The following GAK variants were observed in gnomAD, a reference collection of about 807,000 sequenced individuals.
The protein encoded by GAK is cyclin-G-associated kinase.
In GAK, 79 loss-of-function variants were observed where a neutral mutation model predicts 143.9. That is an observed-to-expected ratio of 0.55 (90% CI 0.46 to 0.66). The LOEUF (loss-of-function observed/expected upper bound fraction) is 0.66. Among genes scored for constraint, GAK ranks in the 30% least tolerant of loss-of-function variants. The probability of loss-of-function intolerance (pLI) is 0.00; values close to 1 mark genes in which losing one functional copy is unlikely to be tolerated. For missense variants in GAK, 1,693 were observed against 1,779.7 expected (o/e 0.95, Z 0.88); for synonymous variants, 881 against 765.5 (o/e 1.15, Z -2.49).
In GAK at chr4:884,027, G is replaced by A; in HGVS notation, c.1255+10C>T. 6.2e-7 allele frequency: 1 copy of A among 1,612,920 alleles called. No individual in the cohort carries two copies. On this transcript the variant is annotated intron_variant, in intron 12 of 27. Transcript: ENST00000314167. ...GGGGCGCGTCCCACAGCCTCATGTG[G>A]CACGCATACCTGCAATTCTGGATGT... is the stretch of plus-strand genomic sequence containing the variant.
Position 914,091 on chromosome 4 carries a change from G to A in GAK, c.146-423C>T, listed in dbSNP as rs1195381880. The A allele has an allele frequency of 3.0e-5, 3 of 101,634 alleles. 1 individual carries two copies. In the Admixed American group the frequency reaches 7.0e-4, roughly 24 times the overall value. 6.3% of individuals were successfully genotyped at this position (101,634 alleles called of 1,614,324 possible). A position where few individuals can be genotyped will look rare whatever the true frequency, so the allele number is the denominator to read the frequency against. ...ACACACACACAGCCCCAGCGTGCAC[G>A]GCCCCACACACACAGCCCCAGCGTG... On this transcript the variant is annotated intron_variant, in intron 1 of 27. Transcript: ENST00000314167.
rs1232531379 is a variant in GAK at position 898,131 on chromosome 4, C to A, written c.553G>T (p.Gly185Trp). The A allele has an allele frequency of 1.2e-6, 2 of 1,614,136 alleles. No individual in the cohort carries two copies. Among genetic ancestry groups the A allele is most frequent in the East Asian group, 4.5e-5 (2 of 44,890 alleles). The change falls in exon 6 of 28, where the codon GGG becomes TGG. Residue 185 changes from glycine (G) to tryptophan (W), a missense_variant. Around this residue, in one of 2 missense-constraint regions of GAK, gnomAD observed 871 missense variants for 991.0 expected, o/e 0.88. Transcript: ENST00000314167. ...KVENLLLSNQGTIKLCDFGSA... is the reference protein window; with the variant it reads ...KVENLLLSNQWTIKLCDFGSA... Reference sequence around the variant, plus strand: ...CCAAAGTCACACAGCTTAATGGTCCCTTGGTTACTAAGCAACAAGTTCTCA... The same window carrying A: ...CCAAAGTCACACAGCTTAATGGTCCATTGGTTACTAAGCAACAAGTTCTCA...
intron 1 of GAK, among the ~76,000 whole-genome samples, chr4:924,249 C>T (rs1359111555): frequency 1.3e-5 from 2 of 150,070 alleles, no homozygotes; most frequent in Non-Finnish European, 3.0e-5. Context: ...ATGAGATCGA[C>T]ACCACTGCAC....
At chr4:885,951 G>C in intron 11 of GAK, 1 of 152,196 alleles carries the variant, frequency 6.6e-6, no homozygotes, top group Non-Finnish European at 1.5e-5. Context: ...TTTTTGTAGA[G>C]ACAGGGTCTT....
At position 877,673 on chromosome 4, in the gene GAK, C is replaced by T. The variant is rs1446807835; in HGVS notation, c.1798G>A (p.Glu600Lys). Residue 600 changes from glutamate to lysine, a missense_variant, in exon 16 of 28, where the codon GAG becomes AAG. By Grantham distance (56) the Glu-to-Lys change is moderately conservative. Coordinates refer to ENST00000314167, the MANE Select transcript of GAK (RefSeq NM_005255.4). ...ACACGCTCGTCCCCCACGTAGACCT[C>T]GCAGAAGGGCCTGCAGCCGCTCCTC... ...KQRSGCRPFC[E>K]VYVGDERVAS... 5.0e-6 allele frequency: 8 copies of T among 1,612,118 alleles called. No individual in the cohort carries two copies. Among genetic ancestry groups the T allele is most frequent in the Non-Finnish European group, 5.9e-6 (7 of 1,179,294 alleles).
At chr4:918,857 C>G (rs978867941) in intron 1 of GAK, among the ~76,000 whole-genome samples, 1 of 134,330 alleles carries the variant, frequency 7.4e-6, no homozygotes, top group Middle Eastern at 3.8e-3. Flanking sequence ...CACCCCATGA[C>G]CTTAGAAAGA....
At chr4:905,129 A>G (rs951198814) in intron 4 of GAK, among the ~76,000 whole-genome samples, 1 of 152,178 alleles carries the variant, frequency 6.6e-6, no homozygotes, top group Non-Finnish European at 1.5e-5. Context: ...ACATGAGGTG[A>G]GCACAAAGTG....
At chr4:871,706 C>G (rs1712668861) in intron 18 of GAK, among the ~76,000 whole-genome samples, 1 of 148,874 alleles carries the variant, frequency 6.7e-6, no homozygotes, top group Admixed American at 6.7e-5. Context: ...GGGTGGGGAG[C>G]AGGGGCAGGG....
intron 15 of GAK, among the ~76,000 whole-genome samples, chr4:879,534 T>C (rs1577133784): frequency 6.6e-6 from 1 of 152,324 alleles, no homozygotes; most frequent in Admixed American, 6.5e-5. Context: ...ACGAGAACCT[T>C]GCGGCTGACA....
rs1560329983 is a variant in GAK, at chr4:875,611, G to GC, written c.2054+918dup. On this transcript the variant is annotated intron_variant, in intron 18 of 27. Transcript: ENST00000314167. ...CTCTGTCTTGGGAGCCCCCGTGGGT[G>GC]CCCCCTCTGACTCCTGGAACAATGT... 6.6e-5 allele frequency among the ~76,000 whole-genome samples: 10 copies of GC among 152,374 alleles called. No homozygotes were observed. The South Asian group carries it at 1.9e-3, about 28-fold the overall frequency.
chr4:911,895 C>T lies in GAK; in HGVS notation c.268-108G>A, dbSNP rs1011559270. ...CACACTGAAGTCAGAATACTTGAAT[C>T]GAACCCTTACAATTTTAGACGTCAG... On this transcript the variant is annotated intron_variant, in intron 3 of 27. Coordinates refer to ENST00000314167, the MANE Select transcript of GAK (RefSeq NM_005255.4). The T allele has an allele frequency of 3.6e-5, 30 of 839,420 alleles. No individual in the cohort carries two copies. The African/African-American group carries it at 4.2e-4, about 12-fold the overall frequency. The allele number at this position is 839,420 out of a possible 1,614,324, so 52.0% of individuals were successfully genotyped here.
intron 9 of GAK, among the ~76,000 whole-genome samples, chr4:892,910 G>A (rs566775868): frequency 1.3e-5 from 2 of 152,302 alleles, no homozygotes; most frequent in East Asian, 1.9e-4. Flanking sequence ...GCATGCCCCC[G>A]GGGTCTCGGC....
At position 873,423 on chromosome 4, in the gene GAK, C is replaced by T. The variant is rs1713136680; in HGVS notation, c.2055-2519G>A. Among the ~76,000 whole-genome samples, 5 of 152,204 alleles carry T rather than the reference C, an allele frequency of 3.3e-5. No individual in the cohort carries two copies. The East Asian group carries it at 7.7e-4, about 24-fold the overall frequency. ...CGTGGAGTCCACTTTAATAAACGCC[C>T]ACTTGAACAGATGCCATTTCTCCAA... On this transcript the variant is annotated intron_variant, in intron 18 of 27. Transcript: ENST00000314167.
rs567360355 is a variant in GAK at position 929,142 on chromosome 4, A to C, written c.145+2901T>G. Among the ~76,000 whole-genome samples, 4 of 152,260 alleles carry C rather than the reference A, an allele frequency of 2.6e-5. No individual in the cohort carries two copies. The East Asian group carries it at 7.7e-4, about 29-fold the overall frequency. On this transcript the variant is annotated intron_variant, in intron 1 of 27. Transcript: ENST00000314167. The stretch of plus-strand genomic sequence containing the variant: ...AAGAAGGGTGGAGAGTCAGGACCAC[A>C]CACAAGTGGCCCTGGGGGTGGGAGT...
rs1411648684 is a variant in GAK, at chr4:893,938, T to C, written c.813A>G (p.Ile271Met). The change falls in exon 8 of 28, where the codon ATA becomes ATG. Residue 271 changes from isoleucine to methionine, a missense_variant. Around this residue, in one of 2 missense-constraint regions of GAK, gnomAD observed 871 missense variants for 991.0 expected, o/e 0.88. Transcript: ENST00000314167. Reference protein sequence around the residue: ...HPFEDGAKLRIVNGKYSIPPH... With the variant: ...HPFEDGAKLRMVNGKYSIPPH... ...GGGGGATCGAGTACTTCCCATTGAC[T>C]ATTCGAAGTTTCGCTCCATCCTCAA... 6.2e-7 allele frequency: 1 copy of C among 1,613,038 alleles called. No individual in the cohort carries two copies. Among genetic ancestry groups the C allele is most frequent in the South Asian group, 1.1e-5 (1 of 91,030 alleles).
intron 1 of GAK, among the ~76,000 whole-genome samples, chr4:917,828 A>C (rs1723316115): frequency 6.6e-6 from 1 of 152,278 alleles, no homozygotes; most frequent in Non-Finnish European, 1.5e-5. Flanking sequence ...ATAATAAATA[A>C]ATCTGTGAGG....
At position 881,968 on chromosome 4, in the gene GAK, C is replaced by T. The variant is rs1170016586; in HGVS notation, c.1600G>A (p.Ala534Thr). 1 of 1,602,342 alleles carries T rather than the reference C, an allele frequency of 6.2e-7. No homozygotes were observed. The highest frequency in any genetic ancestry group is 8.5e-7 in the Non-Finnish European group (1 of 1,174,722). Residue 534 changes from alanine (A) to threonine (T), a missense_variant, in exon 15 of 28, where the codon GCC becomes ACC. Ala to Thr is a moderately conservative substitution (Grantham distance 58). Around this residue, in one of 2 missense-constraint regions of GAK, gnomAD observed 871 missense variants for 991.0 expected, o/e 0.88. Coordinates refer to ENST00000314167, the MANE Select transcript of GAK (RefSeq NM_005255.4). ...TTCATGCTGAACATGTACACGGCGG[C>T]CTCCGCGGTGCTGAAGAGACGGCAG... is the stretch of plus-strand genomic sequence containing the variant. ...CFCRLFSTAE[A>T]AVYMFSMKRC...
At chr4:883,937 G>C in intron 12 of GAK, 100 bp downstream of exon 12, 1 of 1,182,338 alleles carries the variant, frequency 8.5e-7, no homozygotes, top group Non-Finnish European at 1.2e-6. Flanking sequence ...CACAGAGAAG[G>C]CTGGAGCAGA....
chr4:903,946 C>A (rs1455513596), intron 5 of GAK, among the ~76,000 whole-genome samples: 1 of 152,266 alleles, frequency 6.6e-6, no homozygotes, highest in Non-Finnish European at 1.5e-5. Flanking sequence ...GCCTGTGAGA[C>A]AGATGCTAAT....
Sources: allele counts gnomAD v4.1 joint callset (sites outside exome capture counted in the v4.1 genomes callset), GRCh38; gene constraint gnomAD v4.1.1; regional missense constraint gnomAD v4.1.1; transcripts MANE v1.5; gene names NCBI Gene and HGNC (gene_info 2026-07-23, HGNC 2026-07-21).